The following FGF13 variants were observed in gnomAD, a reference collection of about 807,000 sequenced individuals.
FGF13 encodes fibroblast growth factor homologous factor 2.
A neutral mutation model predicts 19.5 loss-of-function variants in FGF13; 2 were observed. That is an observed-to-expected ratio of 0.10 (90% confidence interval 0.04 to 0.32). The LOEUF (loss-of-function observed/expected upper bound fraction) is 0.32, where lower values mean the gene tolerates loss of function less well. FGF13 is among the 10% of genes least tolerant of loss of function. The pLI, the probability that FGF13 is intolerant of heterozygous loss-of-function variation, is 1.00. For missense variants in FGF13, 113 were observed against 192.7 expected (o/e 0.59, Z 2.45); for synonymous variants, 72 against 76.9 (o/e 0.94, Z 0.33).
rs1357639276 is a variant in FGF13, at chrX:138,711,202, G to T, written c.-199C>A. The stretch of plus-strand genomic sequence containing the variant: ...ATGCCGTCCGAGCTCCTCCGGCGGC[G>T]GTCCGGCTCCCGCGCGGGCTGCTGG... On this transcript the variant is annotated 5_prime_UTR_variant, in exon 1 of 5. Transcript: ENST00000315930. The T allele has an allele frequency of 6.0e-5, 64 of 1,062,352 alleles. No individual in the cohort carries two copies. Among genetic ancestry groups the T allele is most frequent in the Non-Finnish European group, 7.5e-5 (62 of 828,419 alleles). The allele number at this position is 1,062,352 out of a possible 1,213,427, so 87.5% of individuals were successfully genotyped here.
rs191012888 is a variant in FGF13, at chrX:138,890,225, G to C, written c.-112-25575C>G. ...ATTACAGGTGTGAGCCACCACGCCC[G>C]GCCTGAACTTTTTCTATGTAGATAC... On this transcript the variant is annotated intron_variant, in intron 1 of 2. Coordinates refer to the FGF13 transcript ENST00000421460. 3.2e-4 allele frequency among the ~76,000 whole-genome samples: 36 copies of C among 111,679 alleles called. 1 individual carries two copies. The East Asian group carries it at 9.9e-3, about 31-fold the overall frequency.
intron 1 of FGF13, among the ~76,000 whole-genome samples, chrX:139,187,190 T>C (rs767217453): frequency 1.8e-5 from 2 of 112,832 alleles, no homozygotes; most frequent in African/African-American, 6.4e-5. Context: ...CTGGGAAGTA[T>C]CTGTGGCAGT....
At chrX:138,719,053 A>C (rs1378680565) in intron 1 of FGF13, among the ~76,000 whole-genome samples, 5 of 112,288 alleles carry the variant, frequency 4.5e-5, no homozygotes, top group Non-Finnish European at 9.4e-5. Context: ...CATAAGTGGA[A>C]GTGCAAGTAT....
rs904249924 is a variant in FGF13, at chrX:139,117,381, A to G, written c.-113+86035T>C. Among the ~76,000 whole-genome samples the G allele has an allele frequency of 4.2e-4, 47 of 111,709 alleles. 1 individual carries two copies. The highest frequency in any genetic ancestry group is 1.5e-3 in the African/African-American group (45 of 30,715). The stretch of plus-strand genomic sequence containing the variant: ...AGCTCTATACTTTATGGTACAGAGG[A>G]GATCAAGGTCCAGGGATGTGTGTCT... On this transcript the variant is annotated intron_variant, in intron 1 of 2. Transcript: ENST00000421460.
At chrX:139,047,962 T>A (rs2092293044) in intron 1 of FGF13, among the ~76,000 whole-genome samples, 1 of 111,501 alleles carries the variant, frequency 9.0e-6, no homozygotes, top group Non-Finnish European at 1.9e-5. Flanking sequence ...CAAGACTTTC[T>A]TCTATCAGAT....
chrX:138,810,231 G>C (rs1292984657), intron 3 of FGF13, among the ~76,000 whole-genome samples: 1 of 111,758 alleles, frequency 8.9e-6, no homozygotes. Flanking sequence ...GCATGGTACT[G>C]GTGCCAAAAC....
intron 1 of FGF13, among the ~76,000 whole-genome samples, chrX:138,984,527 GAAGAAGAAGAAGAAGAAGAAGAAGAAGAA>G (rs2091979991): frequency 1.1e-4 from 2 of 17,486 alleles, no homozygotes; most frequent in African/African-American, 4.0e-4. Flanking sequence ...AGAAGAGGAA[GAAGAAGAAGAAGAAGAAGAAGAAGAAGAA>G]GAAGAAGAAG....
chrX:138,842,097 A>G (rs184077393), intron 3 of FGF13, among the ~76,000 whole-genome samples: 1 of 112,600 alleles, frequency 8.9e-6, no homozygotes, highest in African/African-American at 3.2e-5. Context: ...TGCTGAAGAA[A>G]GGCTAGACTG....
downstream of FGF13, among the ~76,000 whole-genome samples, chrX:138,852,840 A>T (rs373002216): frequency 3.6e-5 from 4 of 111,719 alleles, no homozygotes; most frequent in East Asian, 8.5e-4. Context: ...GCCTAAAAGG[A>T]ACTTAAACAA....
At chrX:138,836,558 A>G (rs988055459) in intron 3 of FGF13, among the ~76,000 whole-genome samples, 8 of 111,665 alleles carry the variant, frequency 7.2e-5, no homozygotes, top group African/African-American at 9.8e-5. Flanking sequence ...GTTCTTCTCT[A>G]TACTATCTAT....
At chrX:139,004,597 C>A (rs1271757801) in intron 1 of FGF13, among the ~76,000 whole-genome samples, 1 of 112,614 alleles carries the variant, frequency 8.9e-6, no homozygotes, top group Non-Finnish European at 1.9e-5. Flanking sequence ...CTCACCAGCT[C>A]AGCCACAAAG....
At chrX:139,171,540 T>C (rs931567810) in intron 1 of FGF13, among the ~76,000 whole-genome samples, 5 of 112,016 alleles carry the variant, frequency 4.5e-5, no homozygotes, top group Non-Finnish European at 3.8e-5. Flanking sequence ...ACAGATCCTA[T>C]GCCCCAGTCA....
At chrX:138,985,984 C>T (rs1028278679) in intron 1 of FGF13, among the ~76,000 whole-genome samples, 2 of 111,572 alleles carry the variant, frequency 1.8e-5, no homozygotes, top group African/African-American at 6.5e-5. Context: ...GCAAACAGCA[C>T]ACTGTTTATA....
intron 1 of FGF13, among the ~76,000 whole-genome samples, chrX:138,883,336 G>T (rs2091437218): frequency 9.0e-6 from 1 of 111,473 alleles, no homozygotes; most frequent in Admixed American, 9.6e-5. Flanking sequence ...TTAGATATTG[G>T]GTAGAGGACC....
chrX:138,785,964 T>C (rs1390448505), intron 3 of FGF13, among the ~76,000 whole-genome samples: 3 of 112,070 alleles, frequency 2.7e-5, no homozygotes, highest in Non-Finnish European at 5.6e-5. Context: ...TCAAACATCA[T>C]GTTCAATTCT....
intron 1 of FGF13, among the ~76,000 whole-genome samples, chrX:139,043,141 C>G (rs756650161): frequency 1.8e-5 from 2 of 111,178 alleles, no homozygotes; most frequent in Admixed American, 1.9e-4. Flanking sequence ...TACCCCACCC[C>G]AAGGAGGAGG....
rs966666918 is a variant in FGF13, at chrX:138,717,894, G to A, written c.29-8966C>T. Among the ~76,000 whole-genome samples, 3 of 111,993 alleles carry A rather than the reference G, an allele frequency of 2.7e-5. No homozygotes were observed. The East Asian group carries it at 8.4e-4, about 31-fold the overall frequency. On this transcript the variant is annotated intron_variant, in intron 1 of 4. Transcript: ENST00000305414. Reference sequence around the variant, plus strand: ...TCCCAACGTGCTGGGAATTACAGGTGTGAGCCATAACACAAAGCTAATTGT... The same window carrying A: ...TCCCAACGTGCTGGGAATTACAGGTATGAGCCATAACACAAAGCTAATTGT...
chrX:138,664,232 T>C (rs1185055898), intron 3 of FGF13, among the ~76,000 whole-genome samples: 9 of 111,737 alleles, frequency 8.1e-5, no homozygotes, highest in Admixed American at 4.8e-4. Flanking sequence ...AGCCTGAAAA[T>C]TGCTATGGCA....
chrX:138,621,228 C>T lies in FGF13; in HGVS notation c.*11622G>A, dbSNP rs1049021146. The T allele has an allele frequency of 6.3e-5, 7 of 111,532 alleles. No individual in the cohort carries two copies. Among genetic ancestry groups the T allele is most frequent in the Admixed American group, 3.8e-4 (4 of 10,451 alleles). 9.2% of individuals were successfully genotyped at this position (111,532 alleles called of 1,213,427 possible). On this transcript the variant is annotated 3_prime_UTR_variant, in exon 5 of 5. Coordinates refer to ENST00000315930, the MANE Select transcript of FGF13 (RefSeq NM_004114.5). Reference sequence around the variant, plus strand: ...TTTGAAGATACATCAACTGTTAGGCCACAAAACAAGTGTTAACAAAACTAA... The same window carrying T: ...TTTGAAGATACATCAACTGTTAGGCTACAAAACAAGTGTTAACAAAACTAA...
Sources: allele counts gnomAD v4.1 joint callset (sites outside exome capture counted in the v4.1 genomes callset), GRCh38; gene constraint gnomAD v4.1.1; transcripts MANE v1.5; gene names NCBI Gene and HGNC (gene_info 2026-07-23, HGNC 2026-07-21).